CDK14: variants seen among roughly 807,000 people sequenced by gnomAD.
CDK14 encodes the protein cyclin dependent kinase 14, also known as cyclin-dependent kinase 14.
CDK14 carries 34 observed loss-of-function variants against 60.7 expected under a neutral mutation model. The observed-to-expected ratio is 0.56, with a 90% CI of 0.43 to 0.75. The LOEUF (loss-of-function observed/expected upper bound fraction) is 0.75. Ranked by LOEUF, CDK14 falls within the 30% of genes least tolerant of loss-of-function variation. CDK14 has a pLI of 0.00. For missense variants in CDK14, 482 were observed against 564.1 expected (o/e 0.85, Z 1.47); for synonymous variants, 197 against 203.7 (o/e 0.97, Z 0.28).
At chr7:91,037,074 CTT>C (rs1284103347) in intron 10 of CDK14, among the ~76,000 whole-genome samples, 1 of 152,176 alleles carries the variant, frequency 6.6e-6, no homozygotes, top group African/African-American at 2.4e-5. Flanking sequence ...AACCACAAGT[CTT>C]TTTTTATGCA....
At chr7:91,000,186 C>T (rs1168729405) in intron 10 of CDK14, among the ~76,000 whole-genome samples, 4 of 152,284 alleles carry the variant, frequency 2.6e-5, no homozygotes, top group South Asian at 4.1e-4. Context: ...TTTTGACTTA[C>T]CATCCCCTGT....
chr7:90,655,290 G>A (rs1800728890), intron 2 of CDK14, among the ~76,000 whole-genome samples: 1 of 151,910 alleles, frequency 6.6e-6, no homozygotes, highest in Admixed American at 6.6e-5. Flanking sequence ...CCAAGTTTTG[G>A]CAATTATGAA....
intron 5 of CDK14, among the ~76,000 whole-genome samples, chr7:90,816,743 T>A (rs1040906630): frequency 1.3e-5 from 2 of 152,150 alleles, no homozygotes; most frequent in Non-Finnish European, 2.9e-5. Flanking sequence ...GGCAACAGTT[T>A]TAGGGCCAAA....
At chr7:90,868,335 A>T (rs1737064304) in intron 6 of CDK14, among the ~76,000 whole-genome samples, 1 of 151,330 alleles carries the variant, frequency 6.6e-6, no homozygotes, top group African/African-American at 2.4e-5. Flanking sequence ...ACATACACAC[A>T]CATTAATGGA....
intron 4 of CDK14, among the ~76,000 whole-genome samples, chr7:90,766,095 A>T (rs1466032195): frequency 6.6e-6 from 1 of 152,072 alleles, no homozygotes; most frequent in African/African-American, 2.4e-5. Context: ...TGTTCTTTTG[A>T]AATTCAGGTA....
chr7:91,125,078 G>C (rs1165972018), intron 14 of CDK14, among the ~76,000 whole-genome samples: 1 of 152,168 alleles, frequency 6.6e-6, no homozygotes, highest in African/African-American at 2.4e-5. Flanking sequence ...GGTCTGGGAT[G>C]ACATTTGAAT....
chr7:91,017,506 C>T (rs1263389091), intron 10 of CDK14, among the ~76,000 whole-genome samples: 1 of 152,134 alleles, frequency 6.6e-6, no homozygotes, highest in Non-Finnish European at 1.5e-5. Context: ...GAGAGATGAA[C>T]TCTTTTAAAA....
chr7:90,600,181 T>C (rs1799285454), intron 1 of CDK14, among the ~76,000 whole-genome samples: 1 of 152,230 alleles, frequency 6.6e-6, no homozygotes, highest in South Asian at 2.1e-4. Flanking sequence ...TTCTACTAAA[T>C]AGTGTCAGCG....
At chr7:90,823,963 CA>C (rs2117086257) in intron 5 of CDK14, among the ~76,000 whole-genome samples, 1 of 152,272 alleles carries the variant, frequency 6.6e-6, no homozygotes, top group African/African-American at 2.4e-5. Context: ...TCTTGCTCTC[CA>C]AACAATAACT....
chr7:91,178,499 G>T (rs1801862104), intron 14 of CDK14, among the ~76,000 whole-genome samples: 1 of 148,702 alleles, frequency 6.7e-6, no homozygotes, highest in Non-Finnish European at 1.5e-5. Flanking sequence ...CACAGCAAAA[G>T]AAACTACCAT....
At chr7:90,988,709 G>C (rs1795445165) in intron 10 of CDK14, among the ~76,000 whole-genome samples, 1 of 152,100 alleles carries the variant, frequency 6.6e-6, no homozygotes, top group South Asian at 2.1e-4. Context: ...ACAGCTGTCT[G>C]AAACCTTTGG....
At chr7:90,800,076 T>C (rs1200108574) in intron 5 of CDK14, among the ~76,000 whole-genome samples, 1 of 152,150 alleles carries the variant, frequency 6.6e-6, no homozygotes, top group Non-Finnish European at 1.5e-5. Flanking sequence ...TATTGAACTT[T>C]TTGTTTGGGT....
At chr7:90,749,834 G>A (rs1803749702) in intron 4 of CDK14, among the ~76,000 whole-genome samples, 1 of 152,162 alleles carries the variant, frequency 6.6e-6, no homozygotes, top group Non-Finnish European at 1.5e-5. Context: ...CCTGCTATCA[G>A]GGGATGACCA....
At chr7:90,866,909 G>A (rs1791211926) in intron 6 of CDK14, among the ~76,000 whole-genome samples, 6 of 152,140 alleles carry the variant, frequency 3.9e-5, no homozygotes, top group Admixed American at 3.9e-4. Context: ...CAGACCTAAA[G>A]TGTTCTGTAA....
chr7:91,155,120 G>A (rs1800947520), intron 14 of CDK14, among the ~76,000 whole-genome samples: 1 of 152,154 alleles, frequency 6.6e-6, no homozygotes, highest in African/African-American at 2.4e-5. Context: ...GGAAAAGTGA[G>A]GATTGAGAGG....
intron 9 of CDK14, among the ~76,000 whole-genome samples, chr7:90,957,510 G>T (rs1019187186): frequency 1.7e-4 from 26 of 151,882 alleles, no homozygotes; most frequent in African/African-American, 6.0e-4. Context: ...AAAGTCTCAG[G>T]ATACAAAATC....
intron 11 of CDK14, among the ~76,000 whole-genome samples, chr7:91,056,020 T>G (rs1223424884): frequency 6.6e-6 from 1 of 152,212 alleles, no homozygotes; most frequent in Non-Finnish European, 1.5e-5. Context: ...TATAAAGTCC[T>G]CCATAACTCC....
intron 2 of CDK14, among the ~76,000 whole-genome samples, chr7:90,621,691 T>TCCTGCCTG (rs1344626016): frequency 6.6e-6 from 1 of 151,416 alleles, no homozygotes; most frequent in African/African-American, 2.4e-5. Flanking sequence ...CTTCCTGCCT[T>TCCTGCCTG]CCTTCCTTCC....
chr7:90,782,152 C>G (rs892531790), intron 4 of CDK14, among the ~76,000 whole-genome samples: 2 of 151,900 alleles, frequency 1.3e-5, no homozygotes, highest in African/African-American at 4.8e-5. Flanking sequence ...AAGTTGGATT[C>G]CTAGGTATTT....
Sources: gnomAD v4.1 joint callset for allele counts (sites outside exome capture counted in the v4.1 genomes callset) on GRCh38, gnomAD v4.1.1 for gene constraint, MANE v1.5 for transcripts, NCBI Gene and HGNC (gene_info 2026-07-23, HGNC 2026-07-21) for gene names.